The following PXDNL variants were observed in gnomAD, a reference collection of about 807,000 sequenced individuals.
PXDNL encodes the protein probable oxidoreductase PXDNL.
Under a neutral mutation model 150.8 loss-of-function variants are expected in PXDNL, and 145 were observed. The observed-to-expected ratio is 0.96, with a 90% CI of 0.84 to 1.10. The LOEUF (loss-of-function observed/expected upper bound fraction) is 1.10, where lower values mean the gene tolerates loss of function less well. PXDNL is among the 50% of genes least tolerant of loss of function. The pLI is 0.00. For synonymous variants in PXDNL, 757 were observed against 725.7 expected (o/e 1.04, Z -0.69); for missense variants, 2,087 against 1,873.9 (o/e 1.11, Z -2.10).
intron 2 of PXDNL, among the ~76,000 whole-genome samples, chr8:51,653,682 A>G (rs1326604700): frequency 6.6e-6 from 1 of 152,248 alleles, no homozygotes; most frequent in South Asian, 2.1e-4. Flanking sequence ...GTTACTGGAA[A>G]GAAACCAGAT....
At chr8:51,690,475 C>T (rs1815970105) in intron 1 of PXDNL, among the ~76,000 whole-genome samples, 1 of 152,072 alleles carries the variant, frequency 6.6e-6, no homozygotes, top group African/African-American at 2.4e-5. Flanking sequence ...CAATTTCATC[C>T]ATGTCCCTAC....
chr8:51,326,005 T>C (rs540743387), intron 21 of PXDNL, among the ~76,000 whole-genome samples: 9 of 152,242 alleles, frequency 5.9e-5, no homozygotes, highest in African/African-American at 2.2e-4. Flanking sequence ...CCTTTTTCTG[T>C]GTCTGTTGAT....
chr8:51,651,251 T>A (rs1233033583), intron 2 of PXDNL, among the ~76,000 whole-genome samples: 1 of 152,218 alleles, frequency 6.6e-6, no homozygotes, highest in African/African-American at 2.4e-5. Context: ...TTGGAAGCGA[T>A]TCGGCCAAAT....
At chr8:51,808,614 T>G (rs997052216) in intron 1 of PXDNL, among the ~76,000 whole-genome samples, 12 of 152,206 alleles carry the variant, frequency 7.9e-5, no homozygotes, top group Admixed American at 4.6e-4. Flanking sequence ...TCTAAGCGGC[T>G]GCTCCACAAG....
In PXDNL at chr8:51,578,141, A is replaced by T. The variant is rs1332333294; in HGVS notation, c.308+14486T>A. 7.9e-4 allele frequency among the ~76,000 whole-genome samples: 101 copies of T among 128,028 alleles called. 8 individuals carry two copies. The highest frequency in any genetic ancestry group is 3.9e-3 in the African/African-American group (93 of 24,046). The allele number at this position is 128,028 out of a possible 152,430, so 84.0% of individuals were successfully genotyped here. The stretch of plus-strand genomic sequence containing the variant: ...AAGAAGGAAAGAAAGAAAGAGTGAG[A>T]GAGAGAGAAAGAAAGAGAAAGAAAG... On this transcript the variant is annotated intron_variant, in intron 3 of 22. Coordinates refer to ENST00000356297, the MANE Select transcript of PXDNL (RefSeq NM_144651.5).
intron 3 of PXDNL, among the ~76,000 whole-genome samples, chr8:51,570,397 T>C (rs925722253): frequency 6.6e-6 from 1 of 152,006 alleles, no homozygotes; most frequent in African/African-American, 2.4e-5. Context: ...AAGATATTTA[T>C]ATCTACCTGA....
chr8:51,726,117 T>C (rs997470191), intron 1 of PXDNL, among the ~76,000 whole-genome samples: 8 of 152,222 alleles, frequency 5.3e-5, no homozygotes, highest in African/African-American at 1.9e-4. Context: ...AATGCAGCGT[T>C]TTTTGATGCC....
intron 1 of PXDNL, among the ~76,000 whole-genome samples, chr8:51,696,748 C>CATACACAGTT (rs1563510127): frequency 8.5e-5 from 10 of 118,238 alleles, no homozygotes; most frequent in South Asian, 2.7e-4. Flanking sequence ...CACACACATA[C>CATACACAGTT]CCACCCACAC....
intron 1 of PXDNL, among the ~76,000 whole-genome samples, chr8:51,792,798 C>A (rs1379594454): frequency 6.6e-6 from 1 of 152,230 alleles, no homozygotes; most frequent in Non-Finnish European, 1.5e-5. Flanking sequence ...GTTTCCGCAA[C>A]TCCAGCCTTG....
At chr8:51,696,871 G>GGTCCACACACATA in intron 1 of PXDNL, among the ~76,000 whole-genome samples, 1 of 292 alleles carries the variant, frequency 3.4e-3, no homozygotes, top group East Asian at 0.062. Flanking sequence ...CCACACACAT[G>GGTCCACACACATA]TGCACACACA....
At chr8:51,746,047 C>T (rs914283637) in intron 1 of PXDNL, among the ~76,000 whole-genome samples, 7 of 152,188 alleles carry the variant, frequency 4.6e-5, no homozygotes, top group Middle Eastern at 3.2e-3. Context: ...GCGTGAGCCA[C>T]CGTGCCCAGC....
intron 5 of PXDNL, among the ~76,000 whole-genome samples, chr8:51,499,342 G>A (rs548794101): frequency 5.3e-5 from 8 of 152,252 alleles, no homozygotes; most frequent in African/African-American, 1.7e-4. Context: ...TCTTGGCCAA[G>A]CTGGTATCGA....
At chr8:51,612,457 C>T (rs1038993268) in intron 2 of PXDNL, among the ~76,000 whole-genome samples, 1 of 152,180 alleles carries the variant, frequency 6.6e-6, no homozygotes, top group African/African-American at 2.4e-5. Context: ...TGCTTCTTCC[C>T]CTTTTCCCTT....
intron 2 of PXDNL, among the ~76,000 whole-genome samples, chr8:51,599,775 T>G (rs1813657326): frequency 7.0e-6 from 1 of 143,514 alleles, no homozygotes; most frequent in Non-Finnish European, 1.5e-5. Context: ...AAATTATATC[T>G]TATATAAATG....
intron 6 of PXDNL, among the ~76,000 whole-genome samples, chr8:51,475,354 T>G (rs1481894566): frequency 1.3e-5 from 2 of 152,252 alleles, no homozygotes; most frequent in African/African-American, 4.8e-5. Flanking sequence ...AACCATGTTT[T>G]TGAGAAGCCA....
intron 1 of PXDNL, among the ~76,000 whole-genome samples, chr8:51,806,847 CCA>C (rs2037681266): frequency 6.6e-6 from 1 of 152,174 alleles, no homozygotes; most frequent in Non-Finnish European, 1.5e-5. Context: ...ATTACCATCC[CCA>C]CACACTCCAA....
chr8:51,345,942 T>C lies in PXDNL; in HGVS notation c.3907A>G (p.Arg1303Gly), dbSNP rs1563367146. ...ACTGCTCTGAACTGTCCTCTACTCC[T>C]ACAGTCTGTGGGGAAAGAAGTAACC... is the stretch of plus-strand genomic sequence containing the variant. ...RVWQDCCADC[R>G]SRGQFRAVTQ... The change falls in exon 20 of 23, where the codon AGG becomes GGG. Residue 1303 changes from arginine to glycine, a missense_variant. Physicochemically the swap from Arg to Gly is moderately radical, Grantham distance 125 (BLOSUM62 -2). Transcript: ENST00000356297. 1 of 1,604,208 alleles carries C rather than the reference T, an allele frequency of 6.2e-7. No homozygotes were observed. Among genetic ancestry groups the C allele is most frequent in the East Asian group, 2.2e-5 (1 of 44,838 alleles).
At chr8:51,457,358 C>T in intron 9 of PXDNL, 140 bp downstream of exon 9, 1 of 680,946 alleles carries the variant, frequency 1.5e-6, no homozygotes, top group Non-Finnish European at 2.3e-6. Context: ...GAAAAAAATT[C>T]AAGTTTCTCT....
chr8:51,646,596 C>T (rs1345706175), intron 2 of PXDNL, among the ~76,000 whole-genome samples: 1 of 152,060 alleles, frequency 6.6e-6, no homozygotes, highest in Non-Finnish European at 1.5e-5. Context: ...GTGCTCCAGA[C>T]TGACCTGGGT....
Sources: allele counts gnomAD v4.1 joint callset (sites outside exome capture counted in the v4.1 genomes callset), GRCh38; gene constraint gnomAD v4.1.1; transcripts MANE v1.5; gene names NCBI Gene and HGNC (gene_info 2026-07-23, HGNC 2026-07-21).